The following UNC79 variants were observed in gnomAD, a reference collection of about 807,000 sequenced individuals.
UNC79 encodes unc-79 subunit of NALCN channel complex, also known as protein unc-79 homolog.
Under a neutral mutation model 283.1 loss-of-function variants are expected in UNC79, and 37 were observed. The ratio of observed to expected loss-of-function variants is 0.13; its 90% CI spans 0.10 to 0.17. UNC79 has a LOEUF of 0.17. Among genes scored for constraint, UNC79 ranks in the 10% least tolerant of loss-of-function variants. The pLI is 1.00. For missense variants in UNC79, 2,272 were observed against 3,211.1 expected, an observed-to-expected ratio of 0.71 and a Z score of 7.07; for synonymous variants, 1,107 against 1,200.2, an observed-to-expected ratio of 0.92 and a Z score of 1.61.
chr14:93,695,204 A>G (rs1258409782), intron 47 of UNC79, among the ~76,000 whole-genome samples: 1 of 151,350 alleles, frequency 6.6e-6, no homozygotes, highest in African/African-American at 2.4e-5. Flanking sequence ...TTTCACCTCT[A>G]TATTCTATTA....
At chr14:93,512,069 C>T (rs1957672) in intron 7 of UNC79, among the ~76,000 whole-genome samples, 130,398 of 152,170 alleles carry the variant, frequency 0.86, 56,014 homozygotes, top group East Asian at 0.93. Flanking sequence ...TATTTAAACA[C>T]TTTAATTGCT....
At chr14:93,529,428 A>G (rs2060700274) in intron 10 of UNC79, 102 bp downstream of exon 10, 6 of 1,276,450 alleles carry the variant, frequency 4.7e-6, no homozygotes, top group Non-Finnish European at 6.6e-6. Flanking sequence ...GACAGTCACC[A>G]AAGTATTGTA....
At chr14:93,460,790 C>T (rs549513487) in intron 1 of UNC79, among the ~76,000 whole-genome samples, 7 of 152,006 alleles carry the variant, frequency 4.6e-5, no homozygotes, top group South Asian at 2.1e-4. Context: ...CTTGGGAGGC[C>T]GAGGCAGGAA....
At chr14:93,460,632 C>T (rs1347878625) in intron 1 of UNC79, among the ~76,000 whole-genome samples, 1 of 151,908 alleles carries the variant, frequency 6.6e-6, no homozygotes, top group Non-Finnish European at 1.5e-5. Context: ...TTCTGAAGGA[C>T]GATTTCTTAA....
chr14:93,399,963 C>T (rs558011864), intron 1 of UNC79, among the ~76,000 whole-genome samples: 6 of 152,250 alleles, frequency 3.9e-5, no homozygotes, highest in South Asian at 4.1e-4. Context: ...GAACCTGGAA[C>T]GGAAAGGTCT....
intron 30 of UNC79, among the ~76,000 whole-genome samples, chr14:93,624,222 G>A (rs1190283252): frequency 6.6e-6 from 1 of 152,156 alleles, no homozygotes. Flanking sequence ...TAGCTCCTAG[G>A]ACAGAGCTGT....
At chr14:93,422,937 C>A (rs777747195) in intron 1 of UNC79, among the ~76,000 whole-genome samples, 1 of 151,538 alleles carries the variant, frequency 6.6e-6, no homozygotes, top group Non-Finnish European at 1.5e-5. Flanking sequence ...ATGGTGGGCA[C>A]CTGTAGTCCC....
intron 1 of UNC79, among the ~76,000 whole-genome samples, chr14:93,390,499 A>G (rs987160866): frequency 6.6e-6 from 1 of 152,224 alleles, no homozygotes; most frequent in Non-Finnish European, 1.5e-5. Context: ...AGAGAAATAC[A>G]AATTGGAAAT....
intron 25 of UNC79, among the ~76,000 whole-genome samples, chr14:93,601,291 T>G (rs530296320): frequency 6.8e-6 from 1 of 146,702 alleles, no homozygotes; most frequent in African/African-American, 2.5e-5. Context: ...TTCCGTTCTG[T>G]CATTCTTATG....
intron 32 of UNC79, among the ~76,000 whole-genome samples, chr14:93,637,574 C>G (rs1014298885): frequency 3.3e-5 from 5 of 152,224 alleles, no homozygotes; most frequent in Admixed American, 2.6e-4. Flanking sequence ...CCTGCCCCAG[C>G]CTCCCGAGGA....
At chr14:93,411,324 C>G (rs1161494504) in intron 1 of UNC79, among the ~76,000 whole-genome samples, 1 of 152,170 alleles carries the variant, frequency 6.6e-6, no homozygotes, top group Non-Finnish European at 1.5e-5. Flanking sequence ...ACCGTAGTCT[C>G]TGGCTCCTGG....
At chr14:93,670,084 A>G (rs1469393524) in intron 40 of UNC79, among the ~76,000 whole-genome samples, 6 of 152,132 alleles carry the variant, frequency 3.9e-5, no homozygotes, top group Non-Finnish European at 8.8e-5. Context: ...AGGTGATTAC[A>G]TGAGTGTTCG....
intron 26 of UNC79, among the ~76,000 whole-genome samples, chr14:93,603,989 T>A (rs574243573): frequency 6.6e-6 from 1 of 152,274 alleles, no homozygotes; most frequent in South Asian, 2.1e-4. Context: ...GCCAATATTT[T>A]AAAAAAGACC....
chr14:93,608,467 A>G (rs947971986), intron 26 of UNC79, among the ~76,000 whole-genome samples: 1 of 152,166 alleles, frequency 6.6e-6, no homozygotes, highest in African/African-American at 2.4e-5. Context: ...GGAAGGAGAA[A>G]AGGCAGGGAT....
chr14:93,536,802 T>TTG (rs386382192), intron 11 of UNC79, among the ~76,000 whole-genome samples: 11 of 144,666 alleles, frequency 7.6e-5, no homozygotes, highest in African/African-American at 2.9e-4. Context: ...TTTTTTTTTT[T>TTG]GTCTATCTAA....
At chr14:93,577,297 C>T (rs1595922066) in intron 17 of UNC79, among the ~76,000 whole-genome samples, 1 of 152,188 alleles carries the variant, frequency 6.6e-6, no homozygotes, top group East Asian at 1.9e-4. Context: ...TCCACGACTT[C>T]TTGGGCATAG....
At chr14:93,446,393 G>A (rs7150837) in intron 1 of UNC79, among the ~76,000 whole-genome samples, 1,868 of 89,156 alleles carry the variant, frequency 0.021, 43 homozygotes, top group African/African-American at 0.072. Flanking sequence ...ACATGTGTGT[G>A]GTTTTTTTTT....
At chr14:93,340,739 T>G (rs2053690979) in intron 1 of UNC79, among the ~76,000 whole-genome samples, 2 of 151,946 alleles carry the variant, frequency 1.3e-5, no homozygotes, top group African/African-American at 4.8e-5. Flanking sequence ...ACCTGGATAA[T>G]TTTTGTATTT....
chr14:93,469,039 T>G (rs1394710515), intron 2 of UNC79, among the ~76,000 whole-genome samples: 1 of 152,218 alleles, frequency 6.6e-6, no homozygotes, highest in Non-Finnish European at 1.5e-5. Flanking sequence ...TTATGACAAA[T>G]TCTGAAAGTT....
Sources: gnomAD v4.1 joint callset for allele counts (sites outside exome capture counted in the v4.1 genomes callset) on GRCh38, gnomAD v4.1.1 for gene constraint, MANE v1.5 for transcripts, NCBI Gene and HGNC (gene_info 2026-07-23, HGNC 2026-07-21) for gene names.